TENM2: variants seen among roughly 807,000 people sequenced by gnomAD.
TENM2 encodes teneurin transmembrane protein 2.
Under a neutral mutation model 245.2 loss-of-function variants are expected in TENM2, and 52 were observed. The observed-to-expected ratio is 0.21, with a 90% CI of 0.17 to 0.27. TENM2 has a LOEUF of 0.27. Among genes scored for constraint, TENM2 ranks in the 10% least tolerant of loss-of-function variants. TENM2 has a pLI of 1.00. For missense variants in TENM2, 3,046 were observed against 3,666.8 expected, an observed-to-expected ratio of 0.83 and a Z score of 4.37; for synonymous variants, 1,363 against 1,438.9, an observed-to-expected ratio of 0.95 and a Z score of 1.19.
intron 2 of TENM2, among the ~76,000 whole-genome samples, chr5:167,555,136 C>T (rs1582376281): frequency 6.6e-6 from 1 of 152,168 alleles, no homozygotes; most frequent in Non-Finnish European, 1.5e-5. Flanking sequence ...AACACACACA[C>T]TTGTTTCCAT....
the TENM2 span, among the ~76,000 whole-genome samples, chr5:167,171,313 T>A: frequency 6.6e-6 from 1 of 152,222 alleles, no homozygotes; most frequent in Non-Finnish European, 1.5e-5. Context: ...CCTAGAACCT[T>A]GAGTTGCCAT....
At chr5:167,801,143 T>TATAC (rs1765735927) in intron 2 of TENM2, among the ~76,000 whole-genome samples, 1 of 104,934 alleles carries the variant, frequency 9.5e-6, no homozygotes. Flanking sequence ...TATATATATA[T>TATAC]ATATATATAT....
intron 13 of TENM2, among the ~76,000 whole-genome samples, chr5:168,172,288 G>C (rs1758912153): frequency 6.6e-6 from 1 of 152,188 alleles, no homozygotes; most frequent in Non-Finnish European, 1.5e-5. Context: ...CTGTCTGAGG[G>C]ACCAGAGGGT....
intron 1 of TENM2, among the ~76,000 whole-genome samples, chr5:167,321,725 TG>T (rs1756734577): frequency 1.3e-5 from 2 of 151,302 alleles, no homozygotes; most frequent in Non-Finnish European, 2.9e-5. Context: ...AACTTTTCTT[TG>T]TTTATTTCCC....
chr5:167,147,279 A>G, the TENM2 span, among the ~76,000 whole-genome samples: 3 of 152,170 alleles, frequency 2.0e-5, no homozygotes, highest in Admixed American at 2.0e-4. Flanking sequence ...TTAATTCATC[A>G]CCATTGCATT....
At position 167,800,941 on chromosome 5, in the gene TENM2, A is replaced by T. The variant is rs539016731; in HGVS notation, c.503-75045A>T. Among the ~76,000 whole-genome samples, 20 of 151,848 alleles carry T rather than the reference A, an allele frequency of 1.3e-4. No homozygotes were observed. The East Asian group carries it at 3.9e-3, about 30-fold the overall frequency. On this transcript the variant is annotated intron_variant, in intron 2 of 28. Coordinates refer to ENST00000518659, the Ensembl canonical transcript of TENM2. The stretch of plus-strand genomic sequence containing the variant: ...TAGGCTGATTTCTGGAATTTATTAG[A>T]TCTTCCTTTGTTCTAGACTTCACTT...
intron 5 of TENM2, among the ~76,000 whole-genome samples, chr5:168,035,174 AT>A (rs1200316865): frequency 1.3e-5 from 2 of 152,132 alleles, no homozygotes; most frequent in African/African-American, 4.8e-5. Context: ...TAGTATTAAA[AT>A]TTTTTTACTT....
intron 12 of TENM2, among the ~76,000 whole-genome samples, chr5:168,135,348 T>A (rs1393771736): frequency 6.6e-6 from 1 of 152,230 alleles, no homozygotes; most frequent in Non-Finnish European, 1.5e-5. Flanking sequence ...CCTGCCTAAT[T>A]GGGTTCAATC....
At chr5:167,879,530 C>A (rs1173881507) in intron 3 of TENM2, among the ~76,000 whole-genome samples, 4 of 152,138 alleles carry the variant, frequency 2.6e-5, no homozygotes, top group African/African-American at 7.2e-5. Context: ...ATAATGGAGG[C>A]CCCTGCAGAT....
At chr5:167,317,342 C>T (rs1386775165) in intron 1 of TENM2, among the ~76,000 whole-genome samples, 1 of 152,092 alleles carries the variant, frequency 6.6e-6, no homozygotes, top group Non-Finnish European at 1.5e-5. Context: ...CAGCACTAAA[C>T]TGTCTCTGTG....
At chr5:168,071,136 T>C (rs1253816853) in intron 7 of TENM2, among the ~76,000 whole-genome samples, 1 of 152,210 alleles carries the variant, frequency 6.6e-6, no homozygotes, top group Non-Finnish European at 1.5e-5. Context: ...CTTGGGCAAG[T>C]CATTCAGCCT....
At chr5:167,126,703 A>G in the TENM2 span, among the ~76,000 whole-genome samples, 2 of 152,154 alleles carry the variant, frequency 1.3e-5, no homozygotes, top group East Asian at 3.9e-4. Context: ...TTTTTTGTTT[A>G]ATTTCTAAGC....
At chr5:168,070,272 G>T (rs1790871518) in intron 7 of TENM2, among the ~76,000 whole-genome samples, 1 of 152,118 alleles carries the variant, frequency 6.6e-6, no homozygotes, top group African/African-American at 2.4e-5. Flanking sequence ...AATATAACCT[G>T]AATTTCCCTA....
chr5:168,253,527 A>G (rs35960642), intron 27 of TENM2, among the ~76,000 whole-genome samples: 72,194 of 149,988 alleles, frequency 0.48, 19,732 homozygotes, highest in South Asian at 0.61. Flanking sequence ...ACGGGTTCAC[A>G]CCATTCTCCT....
chr5:168,215,784 G>C (rs1364972667), intron 21 of TENM2, among the ~76,000 whole-genome samples: 2 of 152,254 alleles, frequency 1.3e-5, no homozygotes, highest in African/African-American at 4.8e-5. Flanking sequence ...CTGCCAGTCA[G>C]GAGAATCAGA....
At chr5:167,891,029 T>C (rs1027006896) in intron 3 of TENM2, among the ~76,000 whole-genome samples, 3 of 152,196 alleles carry the variant, frequency 2.0e-5, no homozygotes, top group African/African-American at 7.2e-5. Context: ...AGTCTAATGA[T>C]CTCAAACTTT....
rs1554157745 is a variant in TENM2, at chr5:167,452,948, T to TATATATATATTTTAA, written c.502+77485_502+77486insTTTAAATATATATAT. ...AGTATGATTTATATATATATATATATATATATATATATATTTAAAAAAAAA... is the reference window on the plus strand; with the variant it reads ...AGTATGATTTATATATATATATATATATATATATATTTTAAATATATATATATATTTAAAAAAAAA... On this transcript the variant is annotated intron_variant, in intron 2 of 28. Coordinates refer to ENST00000518659, the Ensembl canonical transcript of TENM2. 0.016 allele frequency among the ~76,000 whole-genome samples: 721 copies of TATATATATATTTTAA among 45,386 alleles called. 42 individuals carry two copies. The East Asian group carries it at 0.17, about 11-fold the overall frequency. The allele number at this position is 45,386 out of a possible 152,430, so 29.8% of individuals were successfully genotyped here.
intron 25 of TENM2, among the ~76,000 whole-genome samples, chr5:168,238,281 AAAGAAAAGAAAAG>A (rs1765781398): frequency 1.3e-5 from 2 of 151,124 alleles, no homozygotes; most frequent in South Asian, 2.1e-4. Flanking sequence ...AAAGAAAAGA[AAAGAAAAGAAAAG>A]AAAAGAAAAA....
intron 4 of TENM2, among the ~76,000 whole-genome samples, chr5:167,971,293 T>C (rs543698839): frequency 5.9e-5 from 9 of 152,078 alleles, no homozygotes; most frequent in Admixed American, 2.0e-4. Flanking sequence ...GACCTGGTGA[T>C]GCAGATATGG....
Sources: gnomAD v4.1 joint callset for allele counts (sites outside exome capture counted in the v4.1 genomes callset) on GRCh38, gnomAD v4.1.1 for gene constraint, MANE v1.5 for transcripts, NCBI Gene and HGNC (gene_info 2026-07-23, HGNC 2026-07-21) for gene names.